Variants in CDH13 observed in about 807,000 individuals in gnomAD.
CDH13 encodes cadherin 13, also known as cadherin-13.
CDH13 carries 24 observed loss-of-function variants against 63.8 expected under a neutral mutation model. That is an observed-to-expected ratio of 0.38 (90% CI 0.27 to 0.53). The LOEUF (loss-of-function observed/expected upper bound fraction) is 0.53, where lower values mean the gene tolerates loss of function less well. Among genes scored for constraint, CDH13 ranks in the 20% least tolerant of loss-of-function variants. CDH13 has a pLI of 0.85. For synonymous variants in CDH13, 503 were observed against 355.3 expected (o/e 1.42, Z -4.67); for missense variants, 1,049 against 903.1 (o/e 1.16, Z -2.07).
chr16:82,841,227 G>T (rs2038995992), intron 1 of CDH13, among the ~76,000 whole-genome samples: 1 of 152,176 alleles, frequency 6.6e-6, no homozygotes. Context: ...GGCAGCCTCT[G>T]CAAGCTAAAG....
chr16:83,571,842 G>A (rs1329842951), intron 7 of CDH13, among the ~76,000 whole-genome samples: 3 of 152,080 alleles, frequency 2.0e-5, no homozygotes, highest in East Asian at 3.9e-4. Flanking sequence ...CTACCAAACT[G>A]GTGCCTCATT....
chr16:83,231,399 C>T (rs568516238), intron 5 of CDH13, among the ~76,000 whole-genome samples: 9 of 152,272 alleles, frequency 5.9e-5, no homozygotes, highest in African/African-American at 2.2e-4. Context: ...GATTGTACTT[C>T]CTGATGGAGT....
Position 82,814,180 on chromosome 16 carries a change from G to C in CDH13, c.46-44182G>C, listed in dbSNP as rs1328184080. Among the ~76,000 whole-genome samples the C allele has an allele frequency of 2.6e-5, 4 of 152,128 alleles. No individual in the cohort carries two copies. In the South Asian group the frequency reaches 8.3e-4, roughly 32 times the overall value. On this transcript the variant is annotated intron_variant, in intron 1 of 13. Transcript: ENST00000567109. Reference sequence around the variant, plus strand: ...TTCTAATATTTAGTCTGTGAACCCAGTTCCTGGCAGACAGCATCTAAGAGC... The same window carrying C: ...TTCTAATATTTAGTCTGTGAACCCACTTCCTGGCAGACAGCATCTAAGAGC...
At chr16:83,559,727 C>T (rs7189702) in intron 7 of CDH13, among the ~76,000 whole-genome samples, 152,086 of 152,214 alleles carry the variant, frequency 1, 75,979 homozygotes, top group Non-Finnish European at 1. Flanking sequence ...ATTCTAACCA[C>T]TTTCCAGATA....
intron 8 of CDH13, among the ~76,000 whole-genome samples, chr16:83,633,564 T>C (rs1453197032): frequency 6.6e-6 from 1 of 152,208 alleles, no homozygotes; most frequent in East Asian, 1.9e-4. Flanking sequence ...AGGGTTTTTT[T>C]CTCCATTGAA....
In CDH13 at chr16:83,220,747, T is replaced by C. The variant is rs16959822; in HGVS notation, c.636+3250T>C. Among the ~76,000 whole-genome samples, 1,083 of 151,836 alleles carry C rather than the reference T, an allele frequency of 7.1e-3. 17 individuals are homozygous for C. Among genetic ancestry groups the C allele is most frequent in the African/African-American group, 0.025 (1,018 of 41,442 alleles). On this transcript the variant is annotated intron_variant, in intron 5 of 13. Transcript: ENST00000567109. ...GCGCCAATGTTTCTGTTGTTTAAAGTTAAGTGCTGCTCACATGCAAGTACG... is the reference window on the plus strand; with the variant it reads ...GCGCCAATGTTTCTGTTGTTTAAAGCTAAGTGCTGCTCACATGCAAGTACG...
chr16:83,620,301 G>T (rs1292967665), intron 8 of CDH13, among the ~76,000 whole-genome samples: 1 of 145,976 alleles, frequency 6.9e-6, no homozygotes, highest in South Asian at 2.2e-4. Context: ...TGAGGCAGGA[G>T]AATTGTTTGA....
At chr16:82,858,228 G>C (rs886216804) in intron 1 of CDH13, 134 bp from the exon 2 acceptor site, 1 of 619,606 alleles carries the variant, frequency 1.6e-6, no homozygotes, top group African/African-American at 1.8e-5. Flanking sequence ...CACTGGAGAA[G>C]TTTCAACTTA....
chr16:83,347,162 T>C (rs954027356), intron 6 of CDH13, among the ~76,000 whole-genome samples: 1 of 152,212 alleles, frequency 6.6e-6, no homozygotes, highest in African/African-American at 2.4e-5. Flanking sequence ...GGGAATCTGA[T>C]GAAGAAGACG....
At chr16:82,792,852 G>A (rs1049106174) in intron 1 of CDH13, among the ~76,000 whole-genome samples, 3 of 152,228 alleles carry the variant, frequency 2.0e-5, no homozygotes, top group African/African-American at 4.8e-5. Context: ...ACTACAAAGT[G>A]CCAAGCGCTA....
intron 10 of CDH13, among the ~76,000 whole-genome samples, chr16:83,690,237 A>G (rs1204967086): frequency 6.6e-6 from 1 of 152,234 alleles, no homozygotes; most frequent in African/African-American, 2.4e-5. Flanking sequence ...GAGAAAATGA[A>G]TGAGAGAATT....
At chr16:82,943,047 G>A (rs547385267) in intron 2 of CDH13, among the ~76,000 whole-genome samples, 2 of 152,152 alleles carry the variant, frequency 1.3e-5, no homozygotes, top group Admixed American at 6.5e-5. Flanking sequence ...CTCTGCCTTA[G>A]CACTATCAAT....
intron 3 of CDH13, among the ~76,000 whole-genome samples, chr16:83,122,673 C>T (rs1366608809): frequency 6.6e-6 from 1 of 152,080 alleles, no homozygotes. Context: ...AAGAGAGTTG[C>T]TTTTTATTTT....
At chr16:83,507,333 A>T (rs1390909281) in intron 7 of CDH13, among the ~76,000 whole-genome samples, 1 of 152,244 alleles carries the variant, frequency 6.6e-6, no homozygotes, top group Non-Finnish European at 1.5e-5. Flanking sequence ...TTATTAATAG[A>T]GGCTCAGAAG....
chr16:83,131,693 G>A (rs917737358), intron 4 of CDH13, among the ~76,000 whole-genome samples: 2 of 152,142 alleles, frequency 1.3e-5, no homozygotes, highest in African/African-American at 2.4e-5. Flanking sequence ...AGTCATTTAT[G>A]AAATGCTTAT....
At chr16:83,779,934 A>G (rs1323507616) in intron 11 of CDH13, 34 bp from the exon 12 acceptor site, 5 of 1,429,612 alleles carry the variant, frequency 3.5e-6, no homozygotes, top group East Asian at 4.6e-5. Context: ...CGCATATACC[A>G]GTTGCATACC....
intron 3 of CDH13, among the ~76,000 whole-genome samples, chr16:83,116,548 T>A (rs2035305221): frequency 6.6e-6 from 1 of 152,208 alleles, no homozygotes; most frequent in Non-Finnish European, 1.5e-5. Flanking sequence ...ATGGAAATAT[T>A]GTGGGGACAT....
intron 6 of CDH13, among the ~76,000 whole-genome samples, chr16:83,375,063 C>T (rs1238801192): frequency 6.6e-6 from 1 of 152,092 alleles, no homozygotes; most frequent in Non-Finnish European, 1.5e-5. Flanking sequence ...GACAAATTTC[C>T]TCTCTTTAAG....
chr16:83,526,876 A>G (rs1426543925), intron 7 of CDH13, among the ~76,000 whole-genome samples: 1 of 152,198 alleles, frequency 6.6e-6, no homozygotes, highest in Non-Finnish European at 1.5e-5. Flanking sequence ...TCGTGCCCGT[A>G]ATCCCAGCAC....
Sources: gnomAD v4.1 joint callset for allele counts (sites outside exome capture counted in the v4.1 genomes callset) on GRCh38, gnomAD v4.1.1 for gene constraint, MANE v1.5 for transcripts, NCBI Gene and HGNC (gene_info 2026-07-23, HGNC 2026-07-21) for gene names.